Variants in INSR observed in about 807,000 individuals in gnomAD.
INSR encodes the protein insulin receptor.
INSR carries 67 observed loss-of-function variants against 142.6 expected under a neutral mutation model. The observed-to-expected ratio is 0.47, with a 90% CI of 0.39 to 0.58. The LOEUF (loss-of-function observed/expected upper bound fraction) is 0.58. Among genes scored for constraint, INSR ranks in the 20% least tolerant of loss-of-function variants. The pLI is 0.00. For synonymous variants in INSR, 756 were observed against 743.1 expected (o/e 1.02, Z -0.28); for missense variants, 1,248 against 1,833.2 (o/e 0.68, Z 5.83).
chr19:7,289,555 G>A (rs147398914), intron 1 of INSR, among the ~76,000 whole-genome samples: 6 of 151,546 alleles, frequency 4.0e-5, no homozygotes, highest in South Asian at 2.1e-4. Context: ...ACAAGGACCC[G>A]CCACCACACC....
rs1599865905 is a variant in INSR at position 7,119,333 on chromosome 19, C to T, written c.3794+116G>A. 1 of 1,182,506 alleles carries T rather than the reference C, an allele frequency of 8.5e-7. No homozygotes were observed. The highest frequency in any genetic ancestry group is 2.3e-5 in the East Asian group (1 of 42,842). 73.3% of individuals were successfully genotyped at this position (1,182,506 alleles called of 1,614,324 possible). A position where few individuals can be genotyped will look rare whatever the true frequency, so the allele number is the denominator to read the frequency against. ...CAAACACAAACACACCTGTAACATA[C>T]AGCATGCAAACACGGTGAGCGTGTA... On this transcript the variant is annotated intron_variant, in intron 21 of 21. Coordinates refer to ENST00000302850, the MANE Select transcript of INSR (RefSeq NM_000208.4). The surrounding 1 kb of genome is among the most constrained non-coding windows in gnomAD (Gnocchi z 5.2).
chr19:7,212,782 T>C (rs1371970464), intron 2 of INSR, among the ~76,000 whole-genome samples: 1 of 152,008 alleles, frequency 6.6e-6, no homozygotes, highest in African/African-American at 2.4e-5. Flanking sequence ...AGACGGGGCT[T>C]CACCATGTTG....
At chr19:7,186,347 C>T (rs1974431072) in intron 2 of INSR, among the ~76,000 whole-genome samples, 1 of 152,144 alleles carries the variant, frequency 6.6e-6, no homozygotes, top group African/African-American at 2.4e-5. Flanking sequence ...CATATATGAA[C>T]AGCACCATCT....
chr19:7,227,074 G>T (rs1016246971), intron 2 of INSR, among the ~76,000 whole-genome samples: 4 of 152,150 alleles, frequency 2.6e-5, no homozygotes, highest in African/African-American at 9.7e-5. Flanking sequence ...TAAGCATCAG[G>T]CATTCCATGA....
In INSR at chr19:7,152,709, C is replaced by T. The variant is rs1197730331; in HGVS notation, c.2231+17G>A. 1.2e-6 allele frequency: 2 copies of T among 1,607,724 alleles called. No homozygotes were observed. Among genetic ancestry groups the T allele is most frequent in the Non-Finnish European group, 1.7e-6 (2 of 1,175,838 alleles). On this transcript the variant is annotated intron_variant, in intron 10 of 21. Coordinates refer to ENST00000302850, the MANE Select transcript of INSR (RefSeq NM_000208.4). ...CCAATTGGCACCCACTAAGAGAGCC[C>T]AGCGCCAAGTCCTGACCTGGGGACG...
chr19:7,261,803 T>C (rs960099022), intron 2 of INSR, among the ~76,000 whole-genome samples: 1 of 152,158 alleles, frequency 6.6e-6, no homozygotes, highest in East Asian at 1.9e-4. Context: ...AGTGCTGGGA[T>C]TACAGGTGTG....
At chr19:7,118,330 G>C (rs997682682) in intron 21 of INSR, among the ~76,000 whole-genome samples, 1 of 151,818 alleles carries the variant, frequency 6.6e-6, no homozygotes, top group African/African-American at 2.4e-5. Flanking sequence ...GTCTGTGTTT[G>C]TTTTTGAGAC....
At chr19:7,257,195 T>G (rs896178668) in intron 2 of INSR, among the ~76,000 whole-genome samples, 2 of 152,028 alleles carry the variant, frequency 1.3e-5, no homozygotes, top group Non-Finnish European at 2.9e-5. Context: ...CCACCCACCT[T>G]GGCTTCCCAA....
chr19:7,290,339 G>A (rs763039106), intron 1 of INSR, among the ~76,000 whole-genome samples: 3 of 152,122 alleles, frequency 2.0e-5, no homozygotes, highest in Non-Finnish European at 4.4e-5. Flanking sequence ...CCAGGAGGTC[G>A]AGGCTGCAGT....
At chr19:7,129,009 C>A in intron 14 of INSR, 55 bp from the exon 15 acceptor site, 1 of 1,435,602 alleles carries the variant, frequency 7.0e-7, no homozygotes, top group Non-Finnish European at 9.8e-7. Context: ...CAACAAAGTT[C>A]ACATCAAAAA....
chr19:7,230,501 T>G (rs1422568056), intron 2 of INSR, among the ~76,000 whole-genome samples: 1 of 152,214 alleles, frequency 6.6e-6, no homozygotes, highest in Middle Eastern at 3.2e-3. Context: ...AGCATGGTAC[T>G]CCACCTTTCA....
chr19:7,221,140 G>A (rs1212332330), intron 2 of INSR, among the ~76,000 whole-genome samples: 2 of 152,088 alleles, frequency 1.3e-5, no homozygotes, highest in Non-Finnish European at 2.9e-5. Context: ...TTGGGAGGCT[G>A]AGGCGGGCGG....
intron 9 of INSR, 64 bp from the exon 10 acceptor site, chr19:7,152,991 A>ACC (rs1568448888): frequency 4.9e-6 from 4 of 820,236 alleles, no homozygotes; most frequent in Non-Finnish European, 7.6e-6. Flanking sequence ...ACACACACAC[A>ACC]CACACCCCAC....
intron 9 of INSR, among the ~76,000 whole-genome samples, chr19:7,160,480 G>C (rs1000335896): frequency 2.0e-5 from 3 of 151,956 alleles, no homozygotes; most frequent in Non-Finnish European, 4.4e-5. Flanking sequence ...GCCAGGTATA[G>C]TGTCTCAGGC....
intron 3 of INSR, among the ~76,000 whole-genome samples, chr19:7,175,323 G>A (rs891261505): frequency 2.6e-5 from 4 of 152,120 alleles, no homozygotes; most frequent in Admixed American, 1.3e-4. Flanking sequence ...AGATCAGCCT[G>A]GGAAGACAGC....
intron 2 of INSR, among the ~76,000 whole-genome samples, chr19:7,229,245 GGATGAATGGATA>G (rs1464659976): frequency 1.4e-5 from 2 of 144,560 alleles, no homozygotes; most frequent in Non-Finnish European, 3.0e-5. Flanking sequence ...TGAATGGACT[GGATGAATGGATA>G]GATGGATGGA....
chr19:7,134,991 T>C (rs1447391518), intron 13 of INSR, among the ~76,000 whole-genome samples: 1 of 145,936 alleles, frequency 6.9e-6, no homozygotes, highest in African/African-American at 2.6e-5. Context: ...CCCAAAACTC[T>C]GAAAAGTTTT....
At chr19:7,217,537 G>A (rs56069276) in intron 2 of INSR, among the ~76,000 whole-genome samples, 2,481 of 152,280 alleles carry the variant, frequency 0.016, 65 homozygotes, top group African/African-American at 0.054. Context: ...TGTTTCGGTA[G>A]CAGTCATCGA....
chr19:7,258,542 A>G (rs1414616406), intron 2 of INSR, among the ~76,000 whole-genome samples: 1 of 149,726 alleles, frequency 6.7e-6, no homozygotes, highest in Non-Finnish European at 1.5e-5. Context: ...ACAAGTCTGA[A>G]GTCAAACCAT....
Sources: allele counts gnomAD v4.1 joint callset (sites outside exome capture counted in the v4.1 genomes callset), GRCh38; gene constraint gnomAD v4.1.1; non-coding constraint Gnocchi (gnomAD v3.1); transcripts MANE v1.5; gene names NCBI Gene and HGNC (gene_info 2026-07-23, HGNC 2026-07-21).